The following COG4 variants were observed in gnomAD, a reference collection of about 807,000 sequenced individuals.
The protein encoded by COG4 is conserved oligomeric Golgi complex subunit 4.
Under a neutral mutation model 95.1 loss-of-function variants are expected in COG4, and 65 were observed. The ratio of observed to expected loss-of-function variants is 0.68; its 90% CI spans 0.56 to 0.84. The LOEUF (loss-of-function observed/expected upper bound fraction) is 0.84, where lower values mean the gene tolerates loss of function less well. Ranked by LOEUF, COG4 falls within the 40% of genes least tolerant of loss-of-function variation. The pLI is 0.00. For synonymous variants in COG4, 421 were observed against 374.8 expected, an observed-to-expected ratio of 1.12 and a Z score of -1.42; for missense variants, 1,045 against 989.1, an observed-to-expected ratio of 1.06 and a Z score of -0.76.
rs141625480 is a variant in COG4, at chr16:70,485,826, C to G, written c.1711-1857G>C. On this transcript the variant is annotated intron_variant, in intron 13 of 18. Coordinates refer to ENST00000323786, the MANE Select transcript of COG4 (RefSeq NM_015386.3). ...TCTTGAACTCCTGACTGCAGGTGAT[C>G]TGCCCGCCTGAGCCTCCCAAAGTGC... 9.9e-5 allele frequency among the ~76,000 whole-genome samples: 15 copies of G among 151,836 alleles called. No individual in the cohort carries two copies. The East Asian group carries it at 2.7e-3, about 27-fold the overall frequency.
intron 5 of COG4, 142 bp downstream of exon 5, chr16:70,512,097 C>T (rs1253359855): frequency 1.2e-6 from 1 of 810,056 alleles, no homozygotes; most frequent in East Asian, 2.6e-5. Flanking sequence ...TGCATCCAGT[C>T]CTGCATGGCT....
intron 15 of COG4, 132 bp downstream of exon 15, chr16:70,482,597 A>G (rs1008940203): frequency 4.0e-6 from 3 of 751,832 alleles, no homozygotes; most frequent in South Asian, 2.9e-5. Context: ...CCTAGTCTTC[A>G]TGGGTCAGGG....
At chr16:70,505,727 G>A (rs1376185490) in intron 8 of COG4, among the ~76,000 whole-genome samples, 1 of 151,946 alleles carries the variant, frequency 6.6e-6, no homozygotes, top group Non-Finnish European at 1.5e-5. Flanking sequence ...TACTCAGGAG[G>A]CTGAGGCAGG....
At chr16:70,490,125 T>C (rs1221464875) in intron 13 of COG4, among the ~76,000 whole-genome samples, 2 of 152,140 alleles carry the variant, frequency 1.3e-5, no homozygotes, top group Non-Finnish European at 2.9e-5. Flanking sequence ...GCCTGGAAGA[T>C]CTAATTTGAA....
chr16:70,485,678 C>T (rs559107129), intron 13 of COG4, among the ~76,000 whole-genome samples: 9 of 150,202 alleles, frequency 6.0e-5, no homozygotes, highest in East Asian at 5.9e-4. Flanking sequence ...CTCTGTCTCC[C>T]GGGTTCAAGT....
chr16:70,519,781 A>G (rs756802803), intron 1 of COG4, 50 bp from the exon 2 acceptor site: 3 of 1,355,828 alleles, frequency 2.2e-6, no homozygotes, highest in Non-Finnish European at 3.2e-6. Context: ...AAGGAACCTT[A>G]AGAGTTATCT....
intron 8 of COG4, among the ~76,000 whole-genome samples, chr16:70,507,102 C>G (rs1051401407): frequency 6.6e-6 from 1 of 151,906 alleles, no homozygotes; most frequent in Non-Finnish European, 1.5e-5. Flanking sequence ...TATGTGTACA[C>G]CAGCTACTGA....
chr16:70,510,691 G>A (rs1204676487), intron 5 of COG4, among the ~76,000 whole-genome samples: 1 of 151,888 alleles, frequency 6.6e-6, no homozygotes, highest in Non-Finnish European at 1.5e-5. Context: ...ACTTTTACTG[G>A]ATTAAAGGTA....
At position 70,497,243 on chromosome 16, in the gene COG4, T is replaced by C. The variant is rs1476579126; in HGVS notation, c.1459A>G (p.Thr487Ala). The change falls in exon 11 of 19, where the codon ACA becomes GCA. Residue 487 changes from threonine (T) to alanine (A), a missense_variant. By Grantham distance (58) the Thr-to-Ala change is moderately conservative. Transcript: ENST00000323786. ...CLCAMINLAT[T>A]ELESDFRDVL... is the part of the protein sequence containing the mutation. ...TACCTGAAGTCAGACTCCAGCTCTGTGGTGGCGAGGTTGATCATGGCACAG... is the reference window on the plus strand; with the variant it reads ...TACCTGAAGTCAGACTCCAGCTCTGCGGTGGCGAGGTTGATCATGGCACAG... 7.4e-6 allele frequency: 12 copies of C among 1,614,002 alleles called. No individual in the cohort carries two copies. Among genetic ancestry groups the C allele is most frequent in the African/African-American group, 1.3e-5 (1 of 74,894 alleles).
Position 70,517,689 on chromosome 16 carries a change from G to T in COG4, c.306C>A (p.Ile102=). ...TCTCAGCCAGGTTGCAGGTAAAGGT[G>T]ATCATTCCAGCCAGCTGCTTTGCAT... is the stretch of plus-strand genomic sequence containing the variant. The part of the protein sequence containing the change: ...EGDAKQLAGM[I]TFTCNLAENV... The change falls in exon 3 of 19, where the codon ATC becomes ATA. Residue 102 remains isoleucine, a synonymous_variant. Transcript: ENST00000323786. 1 of 1,613,166 alleles carries T rather than the reference G, an allele frequency of 6.2e-7. No homozygotes were observed. The highest frequency in any genetic ancestry group is 1.3e-5 in the African/African-American group (1 of 74,770).
intron 13 of COG4, among the ~76,000 whole-genome samples, chr16:70,487,479 C>G (rs1461200323): frequency 6.6e-6 from 1 of 152,084 alleles, no homozygotes; most frequent in Non-Finnish European, 1.5e-5. Flanking sequence ...TGCTTATAAT[C>G]CCAGCTACTC....
At chr16:70,482,639 T>C in intron 15 of COG4, 90 bp downstream of exon 15, 2 of 1,023,832 alleles carry the variant, frequency 2.0e-6, no homozygotes, top group Admixed American at 1.8e-5. Context: ...GCATGGAAGG[T>C]CTAGTCTGTT....
chr16:70,504,186 T>C lies in COG4; in HGVS notation c.1062-3095A>G, dbSNP rs183503504. ...ATCAGTGATTTTCTACTGAGGGCGA[T>C]TTTATTCCCAGCTCCCCCATTCCCC... On this transcript the variant is annotated intron_variant, in intron 8 of 18. Transcript: ENST00000323786. Among the ~76,000 whole-genome samples, 86 of 152,266 alleles carry C rather than the reference T, an allele frequency of 5.6e-4. 2 individuals carry two copies. Among genetic ancestry groups the C allele is most frequent in the Non-Finnish European group, 8.2e-4 (56 of 68,026 alleles).
chr16:70,523,191 G>A (rs2049990096), intron 1 of COG4, 182 bp downstream of exon 1: 2 of 666,908 alleles, frequency 3.0e-6, no homozygotes, highest in African/African-American at 1.8e-5. Context: ...CAAGCTCGGC[G>A]CGTCCGACAG....
chr16:70,522,428 G>A (rs1249249754), intron 1 of COG4, among the ~76,000 whole-genome samples: 5 of 152,152 alleles, frequency 3.3e-5, no homozygotes, highest in Non-Finnish European at 7.3e-5. Context: ...TCCAGCCTGC[G>A]CAACAGAGAG....
At chr16:70,484,181 G>C (rs2049080019) in intron 13 of COG4, among the ~76,000 whole-genome samples, 1 of 152,230 alleles carries the variant, frequency 6.6e-6, no homozygotes, top group Non-Finnish European at 1.5e-5. Flanking sequence ...AAGTGAGTAA[G>C]AAACAGAAAT....
At chr16:70,512,852 C>T (rs909366025) in intron 4 of COG4, among the ~76,000 whole-genome samples, 1 of 152,184 alleles carries the variant, frequency 6.6e-6, no homozygotes, top group Non-Finnish European at 1.5e-5. Context: ...GTGGCATGCG[C>T]CTGTAGTCCC....
intron 1 of COG4, among the ~76,000 whole-genome samples, chr16:70,520,560 A>G (rs1290241546): frequency 6.6e-6 from 1 of 151,782 alleles, no homozygotes; most frequent in Non-Finnish European, 1.5e-5. Context: ...TGAACCCGGG[A>G]AGTGGAGGTT....
At chr16:70,512,702 G>A (rs2049734737) in intron 4 of COG4, among the ~76,000 whole-genome samples, 2 of 152,128 alleles carry the variant, frequency 1.3e-5, no homozygotes, top group South Asian at 4.1e-4. Flanking sequence ...GCCAAAGTCC[G>A]GGCACGGTGG....
Sources: allele counts gnomAD v4.1 joint callset (sites outside exome capture counted in the v4.1 genomes callset), GRCh38; gene constraint gnomAD v4.1.1; transcripts MANE v1.5; gene names NCBI Gene and HGNC (gene_info 2026-07-23, HGNC 2026-07-21).